Variants in GSE1 observed in about 807,000 individuals in gnomAD.
GSE1 encodes genetic suppressor element 1.
In GSE1, 32 loss-of-function variants were observed where a neutral mutation model predicts 112.6. The observed-to-expected ratio is 0.28, with a 90% CI of 0.21 to 0.38. GSE1 has a LOEUF of 0.38. Among genes scored for constraint, GSE1 ranks in the 10% least tolerant of loss-of-function variants. GSE1 has a pLI of 1.00. For synonymous variants in GSE1, 1,115 were observed against 735.6 expected (o/e 1.52, Z -8.35); for missense variants, 2,348 against 1,699.2 (o/e 1.38, Z -6.71).
chr16:85,510,980 T>A (rs1372685047), intron 2 of GSE1, among the ~76,000 whole-genome samples: 1 of 152,246 alleles, frequency 6.6e-6, no homozygotes, highest in Non-Finnish European at 1.5e-5. Flanking sequence ...TCTCTGGCTT[T>A]ATTTTTCCAC....
chr16:85,197,019 G>A (rs2074940263), intron 1 of GSE1, among the ~76,000 whole-genome samples: 1 of 152,172 alleles, frequency 6.6e-6, no homozygotes, highest in South Asian at 2.1e-4. Flanking sequence ...GTGATCTCAG[G>A]CCAGCCGCTT....
chr16:85,372,134 C>T (rs76407289), intron 2 of GSE1, among the ~76,000 whole-genome samples: 168 of 152,260 alleles, frequency 1.1e-3, no homozygotes, highest in African/African-American at 3.7e-3. Flanking sequence ...ACAGCTAGCG[C>T]GGGACTGTGG....
intron 1 of GSE1, among the ~76,000 whole-genome samples, chr16:85,614,595 G>A (rs1567653148): frequency 1.3e-5 from 2 of 152,352 alleles, no homozygotes; most frequent in South Asian, 2.1e-4. Flanking sequence ...TGGGCCGGGG[G>A]CCTGGCCGCA....
intron 2 of GSE1, among the ~76,000 whole-genome samples, chr16:85,376,814 G>T (rs983409120): frequency 1.3e-5 from 2 of 152,236 alleles, no homozygotes; most frequent in Non-Finnish European, 2.9e-5. Flanking sequence ...GCTGTGAAGG[G>T]GAGGACAGGA....
At chr16:85,297,745 A>T (rs1017378758) in intron 1 of GSE1, among the ~76,000 whole-genome samples, 2 of 152,114 alleles carry the variant, frequency 1.3e-5, no homozygotes, top group African/African-American at 4.8e-5. Context: ...TCCTGGCCTC[A>T]AGGGATCCTC....
chr16:85,419,082 G>A lies in GSE1; in HGVS notation c.2464+61439G>A, dbSNP rs77626938. ...TGAGTCTGGAGCTATGAATGTGGGC[G>A]TCCCAGCGCACAGATGGCGTGTAAA... On this transcript the variant is annotated intron_variant, in intron 2 of 2. Transcript: ENST00000637419. This position sits in a 1 kb window ranked among gnomAD's most constrained non-coding sequence, Gnocchi z 6.5. Among the ~76,000 whole-genome samples, 107 of 152,260 alleles carry A rather than the reference G, an allele frequency of 7.0e-4. No homozygotes were observed. The highest frequency in any genetic ancestry group is 2.4e-3 in the African/African-American group (98 of 41,538).
In GSE1 at chr16:85,638,887, C is replaced by T. The variant is rs181811560; in HGVS notation, c.226+4755C>T. Among the ~76,000 whole-genome samples the T allele has an allele frequency of 1.8e-3, 277 of 152,224 alleles. 1 individual carries two copies. The highest frequency in any genetic ancestry group is 6.0e-3 in the African/African-American group (250 of 41,526). On this transcript the variant is annotated intron_variant, in intron 2 of 15. Transcript: ENST00000253458. ...CTTCCCCCCGTCAATGGCTCTGGGC[C>T]GGGAGCCTGCGGTGGCTTCCTCTGT...
intron 1 of GSE1, among the ~76,000 whole-genome samples, chr16:85,567,198 G>A (rs1000133292): frequency 2.0e-5 from 3 of 152,186 alleles, no homozygotes; most frequent in African/African-American, 7.2e-5. Flanking sequence ...CCGTTGCGGG[G>A]GAGGGGATGG....
chr16:85,506,002 C>T (rs902667549), intron 2 of GSE1, among the ~76,000 whole-genome samples: 3 of 152,012 alleles, frequency 2.0e-5, no homozygotes, highest in East Asian at 3.9e-4. Context: ...CCCTAAACAT[C>T]TCCAGTTTGT....
intron 2 of GSE1, among the ~76,000 whole-genome samples, chr16:85,378,090 T>C (rs1306889999): frequency 1.3e-5 from 2 of 151,738 alleles, no homozygotes; most frequent in Non-Finnish European, 2.9e-5. Flanking sequence ...CCCACCCCCA[T>C]CCCCCGCCAC....
chr16:85,652,818 G>T lies in GSE1; in HGVS notation c.427-1460G>T, dbSNP rs566940606. 6.4e-4 allele frequency among the ~76,000 whole-genome samples: 98 copies of T among 152,308 alleles called. 1 individual carries two copies. Among genetic ancestry groups the T allele is most frequent in the Non-Finnish European group, 8.8e-5 (6 of 68,030 alleles). On this transcript the variant is annotated intron_variant, in intron 3 of 15. Coordinates refer to ENST00000253458, the MANE Select transcript of GSE1 (RefSeq NM_014615.5). ...CTGGGCCATCATTCCTGCTGATCTT[G>T]TGGGGAGACGGCCATGGCCTCCTTG...
intron 2 of GSE1, among the ~76,000 whole-genome samples, chr16:85,515,191 A>G (rs995124822): frequency 1.1e-4 from 16 of 152,250 alleles, no homozygotes; most frequent in African/African-American, 3.8e-4. Context: ...TCGGCATTCC[A>G]GCTTTCTGAA....
rs1169504041 is a variant in GSE1 at position 85,253,753 on chromosome 16, C to T, written c.2283+81946C>T. On this transcript the variant is annotated intron_variant, in intron 1 of 2. Coordinates refer to the GSE1 transcript ENST00000637419. ...AGTGCTCCCGGTGGAGGGAACTGTGCGTGCAAAGGCCAGGAGGTGGGACAG... is the reference window on the plus strand; with the variant it reads ...AGTGCTCCCGGTGGAGGGAACTGTGTGTGCAAAGGCCAGGAGGTGGGACAG... 3.3e-5 allele frequency among the ~76,000 whole-genome samples: 5 copies of T among 151,724 alleles called. No homozygotes were observed. In the South Asian group the frequency reaches 6.2e-4, roughly 19 times the overall value.
chr16:85,197,906 G>A (rs753251707), intron 1 of GSE1, among the ~76,000 whole-genome samples: 8 of 152,192 alleles, frequency 5.3e-5, no homozygotes, highest in East Asian at 3.8e-4. Context: ...CGTGGTTCTC[G>A]TGAGGTGTGT....
At chr16:85,332,554 C>T (rs1217469716) in intron 1 of GSE1, among the ~76,000 whole-genome samples, 3 of 152,156 alleles carry the variant, frequency 2.0e-5, no homozygotes, top group African/African-American at 7.2e-5. Context: ...AAAGCCCCCT[C>T]CCCGTGTGCC....
chr16:85,483,582 C>T lies in GSE1; in HGVS notation c.2464+125939C>T, dbSNP rs114499184. Among the ~76,000 whole-genome samples the T allele has an allele frequency of 3.6e-3, 551 of 152,406 alleles. 2 individuals are homozygous for T. The highest frequency in any genetic ancestry group is 0.013 in the African/African-American group (529 of 41,608). On this transcript the variant is annotated intron_variant, in intron 2 of 2. Coordinates refer to the GSE1 transcript ENST00000637419. ...CACCAGGCGATGCCCAGGCCCCCGG[C>T]CACTGTCTCCGCCCTCTTGGTAGGC...
intron 1 of GSE1, among the ~76,000 whole-genome samples, chr16:85,322,964 T>G (rs1230157990): frequency 6.6e-6 from 1 of 152,184 alleles, no homozygotes; most frequent in Non-Finnish European, 1.5e-5. Context: ...TCGGGGTCAG[T>G]GCTGATTGGT....
At chr16:85,315,522 A>T (rs1043970648) in intron 1 of GSE1, among the ~76,000 whole-genome samples, 4 of 152,024 alleles carry the variant, frequency 2.6e-5, no homozygotes, top group Non-Finnish European at 1.5e-5. Flanking sequence ...GTTGCCTCCT[A>T]CAGCAAGTGC....
chr16:85,383,729 T>G (rs1370758827), intron 2 of GSE1, among the ~76,000 whole-genome samples: 1 of 152,176 alleles, frequency 6.6e-6, no homozygotes, highest in Non-Finnish European at 1.5e-5. Context: ...AGAGAGTGGC[T>G]GGCTCGTGAG....
Sources: gnomAD v4.1 joint callset for allele counts (sites outside exome capture counted in the v4.1 genomes callset) on GRCh38, gnomAD v4.1.1 for gene constraint, Gnocchi (gnomAD v3.1) non-coding constraint, MANE v1.5 for transcripts, NCBI Gene and HGNC (gene_info 2026-07-23, HGNC 2026-07-21) for gene names.